NCAM2: variants seen among roughly 807,000 people sequenced by gnomAD.
NCAM2 encodes neural cell adhesion molecule 2, also known as N-CAM-2.
In NCAM2, 30 loss-of-function variants were observed where a neutral mutation model predicts 98.1. The ratio of observed to expected loss-of-function variants is 0.31; its 90% CI spans 0.23 to 0.41. NCAM2 has a LOEUF of 0.41. NCAM2 is among the 10% of genes least tolerant of loss of function. The pLI, the probability that NCAM2 is intolerant of heterozygous loss-of-function variation, is 1.00. For missense variants in NCAM2, 867 were observed against 1,005.8 expected, an observed-to-expected ratio of 0.86 and a Z score of 1.87; for synonymous variants, 368 against 342.4, an observed-to-expected ratio of 1.07 and a Z score of -0.83.
chr21:21,135,674 T>C (rs2067034863), intron 1 of NCAM2, among the ~76,000 whole-genome samples: 1 of 152,158 alleles, frequency 6.6e-6, no homozygotes, highest in African/African-American at 2.4e-5. Context: ...ACTATTTCCG[T>C]GTCCTAACTC....
chr21:21,457,170 G>C (rs1286703643), intron 12 of NCAM2, among the ~76,000 whole-genome samples: 1 of 149,252 alleles, frequency 6.7e-6, no homozygotes. Flanking sequence ...GGAAATTCTT[G>C]TGAGGGCCCA....
At chr21:21,136,632 T>G (rs2067058706) in intron 1 of NCAM2, among the ~76,000 whole-genome samples, 1 of 148,580 alleles carries the variant, frequency 6.7e-6, no homozygotes, top group African/African-American at 2.5e-5. Flanking sequence ...TGTTTTTTGT[T>G]TTTTTTTTTA....
intron 5 of NCAM2, among the ~76,000 whole-genome samples, chr21:21,299,390 A>C (rs2073624199): frequency 6.6e-6 from 1 of 151,764 alleles, no homozygotes; most frequent in Non-Finnish European, 1.5e-5. Context: ...GAAAGTAATA[A>C]AGCAGAGAGA....
rs543432047 is a variant in NCAM2 at position 21,358,708 on chromosome 21, A to G, written c.1045-15155A>G. ...TACGTGGTAGTTTTAACACTGATTT[A>G]TCTGCTCTGTGATAGCAGGTAAATT... is the stretch of plus-strand genomic sequence containing the variant. On this transcript the variant is annotated intron_variant, in intron 8 of 17. Coordinates refer to ENST00000400546, the MANE Select transcript of NCAM2 (RefSeq NM_004540.5). 1.1e-4 allele frequency among the ~76,000 whole-genome samples: 16 copies of G among 152,204 alleles called. 1 individual carries two copies. In the Middle Eastern group the frequency reaches 0.014, roughly 129 times the overall value.
intron 15 of NCAM2, among the ~76,000 whole-genome samples, chr21:21,490,844 C>G (rs946539528): frequency 1.3e-5 from 2 of 151,662 alleles, no homozygotes; most frequent in African/African-American, 4.8e-5. Flanking sequence ...TCAGTATCAT[C>G]TTATTTAAAA....
intron 1 of NCAM2, among the ~76,000 whole-genome samples, chr21:21,012,680 C>G (rs1020448080): frequency 2.0e-5 from 3 of 151,992 alleles, no homozygotes; most frequent in Non-Finnish European, 2.9e-5. Flanking sequence ...ATTGTGTTTC[C>G]TTTTATTGCA....
chr21:21,097,044 C>A (rs2142290), intron 1 of NCAM2, among the ~76,000 whole-genome samples: 45,593 of 151,556 alleles, frequency 0.3, 9,969 homozygotes, highest in African/African-American at 0.62. Context: ...ATTTTAGTTT[C>A]TCCCTTGAAC....
rs139270057 is a variant in NCAM2 at position 21,125,025 on chromosome 21, C to T, written c.55+126407C>T. On this transcript the variant is annotated intron_variant, in intron 1 of 17. Transcript: ENST00000400546. ...ATTAAAAGCAAAGGTAATAAATGCT[C>T]AAAACTCACCAGTTTCTAAGTGTTT... is the stretch of plus-strand genomic sequence containing the variant. Among the ~76,000 whole-genome samples, 599 of 152,114 alleles carry T rather than the reference C, an allele frequency of 3.9e-3. 29 individuals carry two copies. The South Asian group carries it at 0.093, about 24-fold the overall frequency.
chr21:21,165,430 A>G (rs1350962028), intron 1 of NCAM2, among the ~76,000 whole-genome samples: 3 of 152,162 alleles, frequency 2.0e-5, no homozygotes, highest in Non-Finnish European at 4.4e-5. Context: ...GGTTTATCCA[A>G]CTGCTACTCT....
At chr21:21,081,081 G>T (rs559314214) in intron 1 of NCAM2, among the ~76,000 whole-genome samples, 1 of 152,208 alleles carries the variant, frequency 6.6e-6, no homozygotes, top group South Asian at 2.1e-4. Flanking sequence ...TCTTCCATTG[G>T]GGTGGGCTGT....
intron 13 of NCAM2, 96 bp from the exon 14 acceptor site, chr21:21,468,566 A>G (rs1220132701): frequency 5.8e-6 from 7 of 1,211,196 alleles, no homozygotes; most frequent in Non-Finnish European, 7.9e-6. Context: ...ATAACACCAT[A>G]TATTTTGATT....
intron 1 of NCAM2, among the ~76,000 whole-genome samples, chr21:21,158,531 A>G (rs1309186156): frequency 5.9e-5 from 9 of 151,814 alleles, no homozygotes; most frequent in Admixed American, 6.6e-5. Flanking sequence ...CTTGAACCCA[A>G]GAGGTGGAGG....
At chr21:21,253,630 G>A (rs916417480) in intron 1 of NCAM2, among the ~76,000 whole-genome samples, 1 of 152,102 alleles carries the variant, frequency 6.6e-6, no homozygotes, top group East Asian at 1.9e-4. Flanking sequence ...AGAAATAAAT[G>A]TTTGTTCTTT....
At chr21:21,278,339 G>T (rs1259010168) in intron 1 of NCAM2, among the ~76,000 whole-genome samples, 1 of 151,976 alleles carries the variant, frequency 6.6e-6, no homozygotes, top group Non-Finnish European at 1.5e-5. Flanking sequence ...CAAATTTCTT[G>T]AGTTCTGCAT....
chr21:21,205,453 G>A (rs898915200), intron 1 of NCAM2, among the ~76,000 whole-genome samples: 3 of 151,988 alleles, frequency 2.0e-5, no homozygotes, highest in Non-Finnish European at 2.9e-5. Flanking sequence ...GACCTGTTTC[G>A]TTGTGTACAT....
intron 15 of NCAM2, among the ~76,000 whole-genome samples, chr21:21,486,201 G>T (rs745551017): frequency 6.6e-6 from 1 of 151,200 alleles, no homozygotes; most frequent in Non-Finnish European, 1.5e-5. Context: ...CTACTCGGGA[G>T]GCTGAGGCAG....
chr21:21,513,858 A>G (rs1187463644), intron 16 of NCAM2, among the ~76,000 whole-genome samples: 3 of 152,132 alleles, frequency 2.0e-5, no homozygotes, highest in African/African-American at 7.2e-5. Flanking sequence ...TTTGCATTAT[A>G]TATCAAGGTT....
rs2064849230 is a variant in NCAM2, at chr21:21,038,887, C to T, written c.55+40269C>T. On this transcript the variant is annotated intron_variant, in intron 1 of 17. Coordinates refer to ENST00000400546, the MANE Select transcript of NCAM2 (RefSeq NM_004540.5). ...GAAGGCCGCTAAAACATGGCAGAACCTCTTTCTTCTACAGGAAGACCTTCT... is the reference window on the plus strand; with the variant it reads ...GAAGGCCGCTAAAACATGGCAGAACTTCTTTCTTCTACAGGAAGACCTTCT... 2.6e-5 allele frequency among the ~76,000 whole-genome samples: 4 copies of T among 152,282 alleles called. No homozygotes were observed. In the South Asian group the frequency reaches 8.3e-4, roughly 32 times the overall value.
chr21:21,386,795 C>T lies in NCAM2; in HGVS notation c.1195+12782C>T, dbSNP rs537299161. On this transcript the variant is annotated intron_variant, in intron 9 of 17. Coordinates refer to ENST00000400546, the MANE Select transcript of NCAM2 (RefSeq NM_004540.5). ...TTTTTAAGGAACTTTAGGAAATATT[C>T]AATCCTTGAGATGATAAGCCTTAGA... is the stretch of plus-strand genomic sequence containing the variant. Among the ~76,000 whole-genome samples the T allele has an allele frequency of 1.8e-3, 279 of 152,190 alleles. 2 individuals carry two copies. Among genetic ancestry groups the T allele is most frequent in the African/African-American group, 6.5e-3 (271 of 41,518 alleles).
Sources: gnomAD v4.1 joint callset for allele counts (sites outside exome capture counted in the v4.1 genomes callset) on GRCh38, gnomAD v4.1.1 for gene constraint, MANE v1.5 for transcripts, NCBI Gene and HGNC (gene_info 2026-07-23, HGNC 2026-07-21) for gene names.